XKR9: variants seen among roughly 807,000 people sequenced by gnomAD.
The protein encoded by XKR9 is XK-related protein 9.
Under a neutral mutation model 32.0 loss-of-function variants are expected in XKR9, and 32 were observed. The observed-to-expected ratio is 1.00, with a 90% CI of 0.76 to 1.34. XKR9 has a LOEUF of 1.34. Among genes scored for constraint, XKR9 ranks in the 40% most tolerant of loss-of-function variants. XKR9 has a pLI of 0.00. For missense variants in XKR9, 546 were observed against 429.7 expected, an observed-to-expected ratio of 1.27 and a Z score of -2.39; for synonymous variants, 168 against 143.4, an observed-to-expected ratio of 1.17 and a Z score of -1.22.
chr8:70,974,250 T>C, the XKR9 span, among the ~76,000 whole-genome samples: 6 of 152,092 alleles, frequency 3.9e-5, no homozygotes, highest in African/African-American at 1.4e-4. Context: ...GTTGCTTTTT[T>C]TTAAATTGTA....
At chr8:70,819,614 A>C in the XKR9 span, among the ~76,000 whole-genome samples, 1 of 152,244 alleles carries the variant, frequency 6.6e-6, no homozygotes, top group Non-Finnish European at 1.5e-5. Context: ...TACATAAAAT[A>C]GAAATAACAG....
chr8:70,990,199 G>A, the XKR9 span, among the ~76,000 whole-genome samples: 5 of 152,178 alleles, frequency 3.3e-5, no homozygotes, highest in Non-Finnish European at 7.4e-5. Flanking sequence ...AATAATGCCA[G>A]TGAAATATTT....
the XKR9 span, among the ~76,000 whole-genome samples, chr8:70,977,928 G>A: frequency 6.6e-6 from 1 of 152,178 alleles, no homozygotes; most frequent in Non-Finnish European, 1.5e-5. Flanking sequence ...CCTGTATTGG[G>A]TGCATGTATA....
At chr8:70,881,261 A>T in the XKR9 span, among the ~76,000 whole-genome samples, 46 of 152,242 alleles carry the variant, frequency 3.0e-4, no homozygotes, top group African/African-American at 1.1e-3. Flanking sequence ...AAGCCAAAAT[A>T]GACAAATGGG....
the XKR9 span, among the ~76,000 whole-genome samples, chr8:70,929,229 G>C: frequency 2.0e-5 from 3 of 152,158 alleles, no homozygotes; most frequent in Non-Finnish European, 4.4e-5. Flanking sequence ...TGGTCAGTAT[G>C]CTAGCTAGCA....
At chr8:70,703,729 A>G (rs957778078) in intron 3 of XKR9, among the ~76,000 whole-genome samples, 3 of 152,160 alleles carry the variant, frequency 2.0e-5, no homozygotes, top group Admixed American at 6.5e-5. Context: ...TGTAATCAGT[A>G]GGGGAATCAG....
At chr8:70,996,251 T>C in the XKR9 span, among the ~76,000 whole-genome samples, 48,489 of 152,120 alleles carry the variant, frequency 0.32, 9,059 homozygotes, top group Non-Finnish European at 0.43. Context: ...TTTGCTTTTC[T>C]TTTACAATTT....
At chr8:70,710,160 C>T (rs1307712169) in intron 4 of XKR9, among the ~76,000 whole-genome samples, 2 of 151,944 alleles carry the variant, frequency 1.3e-5, no homozygotes, top group Admixed American at 6.6e-5. Context: ...ATCTGATCTT[C>T]GACAGAGTCG....
At chr8:71,039,507 A>G in the XKR9 span, among the ~76,000 whole-genome samples, 7 of 152,218 alleles carry the variant, frequency 4.6e-5, no homozygotes, top group Admixed American at 4.6e-4. Flanking sequence ...TCTAATGAAT[A>G]TGCATTACTT....
chr8:70,938,624 T>C, the XKR9 span, among the ~76,000 whole-genome samples: 1 of 152,142 alleles, frequency 6.6e-6, no homozygotes, highest in South Asian at 2.1e-4. Context: ...TTTAGGATGT[T>C]GAAAGATACA....
the XKR9 span, among the ~76,000 whole-genome samples, chr8:71,051,271 G>C: frequency 6.6e-6 from 1 of 152,104 alleles, no homozygotes; most frequent in South Asian, 2.1e-4. Flanking sequence ...AGGTATTAAA[G>C]AAGCTTGATA....
chr8:70,937,138 G>A, the XKR9 span, among the ~76,000 whole-genome samples: 2 of 151,902 alleles, frequency 1.3e-5, no homozygotes, highest in African/African-American at 2.4e-5. Flanking sequence ...ATATGCGTAT[G>A]TATGTGTGTG....
At chr8:70,918,705 T>A in the XKR9 span, among the ~76,000 whole-genome samples, 1 of 120,164 alleles carries the variant, frequency 8.3e-6, no homozygotes, top group Admixed American at 8.3e-5. Context: ...AAAACAAAAA[T>A]AAAAACAAAA....
the XKR9 span, among the ~76,000 whole-genome samples, chr8:71,055,530 A>G: frequency 6.6e-6 from 1 of 152,104 alleles, no homozygotes; most frequent in Non-Finnish European, 1.5e-5. Context: ...AAAAGAAGGG[A>G]CCATTATGCC....
chr8:70,996,749 G>T, the XKR9 span, among the ~76,000 whole-genome samples: 2 of 152,098 alleles, frequency 1.3e-5, no homozygotes, highest in Non-Finnish European at 2.9e-5. Flanking sequence ...GTCACTGTCC[G>T]ACCTTCTTCT....
At chr8:70,755,064 C>T (rs1000894940) in intron 2 of XKR9, among the ~76,000 whole-genome samples, 5 of 151,984 alleles carry the variant, frequency 3.3e-5, no homozygotes, top group African/African-American at 1.2e-4. Flanking sequence ...AACAAATTTA[C>T]AAGAAAAAAA....
At chr8:71,061,838 A>G in the XKR9 span, among the ~76,000 whole-genome samples, 1 of 152,222 alleles carries the variant, frequency 6.6e-6, no homozygotes, top group Non-Finnish European at 1.5e-5. Context: ...TGGGATGACA[A>G]TTCTGAGTAC....
chr8:70,669,915 C>A (rs987376596), intron 1 of XKR9, among the ~76,000 whole-genome samples: 4 of 152,130 alleles, frequency 2.6e-5, no homozygotes, highest in Non-Finnish European at 5.9e-5. Context: ...ATCCGCCCGC[C>A]TCGGCCTCCC....
chr8:70,885,966 G>A, the XKR9 span, among the ~76,000 whole-genome samples: 1 of 151,996 alleles, frequency 6.6e-6, no homozygotes, highest in East Asian at 1.9e-4. Flanking sequence ...AGGTATACAC[G>A]TGCCATGGTG....
Sources: allele counts gnomAD v4.1 joint callset (sites outside exome capture counted in the v4.1 genomes callset), GRCh38; gene constraint gnomAD v4.1.1; transcripts MANE v1.5; gene names NCBI Gene and HGNC (gene_info 2026-07-23, HGNC 2026-07-21).